STAC: variants seen among roughly 807,000 people sequenced by gnomAD.
The protein encoded by STAC is SH3 and cysteine rich domain.
A neutral mutation model predicts 48.8 loss-of-function variants in STAC; 43 were observed. That is an observed-to-expected ratio of 0.88 (90% CI 0.69 to 1.14). STAC has a LOEUF of 1.14. Among genes scored for constraint, STAC ranks in the 50% most tolerant of loss-of-function variants. The pLI, the probability that STAC is intolerant of heterozygous loss-of-function variation, is 0.00. For missense variants in STAC, 497 were observed against 504.0 expected (o/e 0.99, Z 0.13); for synonymous variants, 193 against 179.5 (o/e 1.07, Z -0.60).
At chr3:36,530,311 A>T (rs993963592) in intron 10 of STAC, among the ~76,000 whole-genome samples, 8 of 152,202 alleles carry the variant, frequency 5.3e-5, no homozygotes, top group African/African-American at 1.9e-4. Flanking sequence ...GGAAGTTCAC[A>T]ATGAAAAAGG....
intron 1 of STAC, among the ~76,000 whole-genome samples, chr3:36,423,348 G>A (rs62245730): frequency 0.079 from 11,917 of 151,620 alleles, 500 homozygotes; most frequent in African/African-American, 0.1. Flanking sequence ...AAGAACTACA[G>A]GTCTCTGCCT....
chr3:36,387,455 T>C (rs1699642202), intron 1 of STAC, among the ~76,000 whole-genome samples: 1 of 152,098 alleles, frequency 6.6e-6, no homozygotes, highest in African/African-American at 2.4e-5. Context: ...CAACTGTAAC[T>C]CTGTACCCAT....
chr3:36,498,361 A>G (rs1698198783), intron 6 of STAC, among the ~76,000 whole-genome samples: 1 of 152,184 alleles, frequency 6.6e-6, no homozygotes, highest in African/African-American at 2.4e-5. Context: ...GTTAGGGTAT[A>G]GTTAGGAAGC....
chr3:36,423,473 CA>C (rs1052424303), intron 1 of STAC, among the ~76,000 whole-genome samples: 5 of 150,830 alleles, frequency 3.3e-5, no homozygotes, highest in Non-Finnish European at 4.4e-5. Context: ...AAAAGATCCC[CA>C]GTATATATTA....
chr3:36,485,017 T>C lies in STAC; in HGVS notation c.530T>C (p.Ile177Thr). Residue 177 changes from isoleucine to threonine, a missense_variant, in exon 4 of 11, where the codon ATT becomes ACT. Ile to Thr is a moderately conservative substitution (Grantham distance 89, BLOSUM62 -1). Coordinates refer to ENST00000273183, the MANE Select transcript of STAC (RefSeq NM_003149.3). ...CGTTACTACAGCTCCCCCTTGCTCA[T>C]TCATGAACAGTTTGGCTGCATTAAA... is the stretch of plus-strand genomic sequence containing the variant. ...FRRYYSSPLLIHEQFGCIKEV... is the reference protein window; with the variant it reads ...FRRYYSSPLLTHEQFGCIKEV... 1.2e-6 allele frequency: 2 copies of C among 1,605,428 alleles called. No individual in the cohort carries two copies. The highest frequency in any genetic ancestry group is 1.7e-6 in the Non-Finnish European group (2 of 1,176,172).
chr3:36,501,397 A>C lies in STAC; in HGVS notation c.767-2996A>C, dbSNP rs55633680. Reference sequence around the variant, plus strand: ...GATCAATAAATCTTGAGTGTTTTTTAAACAAAATTACAATCTCTAATGATT... The same window carrying C: ...GATCAATAAATCTTGAGTGTTTTTTCAACAAAATTACAATCTCTAATGATT... On this transcript the variant is annotated intron_variant, in intron 6 of 10. Coordinates refer to ENST00000273183, the MANE Select transcript of STAC (RefSeq NM_003149.3). 5.6e-3 allele frequency among the ~76,000 whole-genome samples: 851 copies of C among 152,254 alleles called. 8 individuals are homozygous for C. The highest frequency in any genetic ancestry group is 9.6e-3 in the Non-Finnish European group (653 of 68,010).
intron 5 of STAC, among the ~76,000 whole-genome samples, chr3:36,492,485 T>C (rs1449650555): frequency 6.6e-6 from 1 of 152,170 alleles, no homozygotes. Flanking sequence ...TATCATAGGA[T>C]TAATTTGGGG....
chr3:36,468,945 TTTTTC>T (rs1697252627), intron 2 of STAC, among the ~76,000 whole-genome samples: 1 of 152,038 alleles, frequency 6.6e-6, no homozygotes, highest in Non-Finnish European at 1.5e-5. Context: ...ATGTAAAATC[TTTTTC>T]CACCCCTTTA....
intron 1 of STAC, among the ~76,000 whole-genome samples, chr3:36,385,652 A>AT (rs1699600425): frequency 1.3e-5 from 2 of 152,092 alleles, no homozygotes; most frequent in African/African-American, 4.8e-5. Context: ...AATCTCTCTC[A>AT]TACCCCTTTC....
chr3:36,445,845 T>C (rs1406828052), intron 2 of STAC, among the ~76,000 whole-genome samples: 1 of 152,172 alleles, frequency 6.6e-6, no homozygotes, highest in African/African-American at 2.4e-5. Context: ...GAATCAAACC[T>C]CATCTGTGCA....
chr3:36,428,587 G>T (rs1700620904), intron 1 of STAC, among the ~76,000 whole-genome samples: 1 of 152,162 alleles, frequency 6.6e-6, no homozygotes, highest in African/African-American at 2.4e-5. Flanking sequence ...ACAGGGATCG[G>T]GGAAGTCTCG....
chr3:36,527,795 C>G (rs1199964637), intron 8 of STAC, among the ~76,000 whole-genome samples: 1 of 152,088 alleles, frequency 6.6e-6, no homozygotes, highest in Non-Finnish European at 1.5e-5. Context: ...TAGTCTTCAG[C>G]CAAACCCAAG....
intron 10 of STAC, among the ~76,000 whole-genome samples, chr3:36,534,997 C>G (rs1168149843): frequency 6.6e-6 from 1 of 152,056 alleles, no homozygotes; most frequent in South Asian, 2.1e-4. Context: ...CTTATTAAAT[C>G]GACTTTAAAA....
chr3:36,485,707 A>C (rs1255775053), intron 4 of STAC: 1 of 153,114 alleles, frequency 6.5e-6, no homozygotes, highest in African/African-American at 2.4e-5. Context: ...ATAAGTTAGA[A>C]AGCTTTTAAT....
At chr3:36,440,421 G>C (rs1696311486) in intron 1 of STAC, among the ~76,000 whole-genome samples, 2 of 152,194 alleles carry the variant, frequency 1.3e-5, no homozygotes, top group African/African-American at 4.8e-5. Context: ...ATGCCTGCAG[G>C]ACAGCAGGGT....
chr3:36,414,667 T>C (rs976258100), intron 1 of STAC, among the ~76,000 whole-genome samples: 4 of 152,214 alleles, frequency 2.6e-5, no homozygotes, highest in Admixed American at 2.6e-4. Context: ...AGCCCTCTTC[T>C]CTCAACTCGT....
chr3:36,476,724 ACT>A (rs144426554), intron 2 of STAC, among the ~76,000 whole-genome samples: 1 of 152,208 alleles, frequency 6.6e-6, no homozygotes, highest in East Asian at 1.9e-4. Flanking sequence ...AAAAGTACTG[ACT>A]CTGTCATCAT....
intron 2 of STAC, among the ~76,000 whole-genome samples, chr3:36,466,425 T>C (rs991107947): frequency 1.3e-5 from 2 of 152,184 alleles, no homozygotes; most frequent in African/African-American, 4.8e-5. Context: ...TGTTTTTTTC[T>C]AGTTCTGTGA....
intron 1 of STAC, among the ~76,000 whole-genome samples, chr3:36,410,769 G>A (rs1700176943): frequency 6.6e-6 from 1 of 152,104 alleles, no homozygotes; most frequent in Non-Finnish European, 1.5e-5. Flanking sequence ...AACATCTGAG[G>A]GTGTTTGTAA....
Sources: gnomAD v4.1 joint callset for allele counts (sites outside exome capture counted in the v4.1 genomes callset) on GRCh38, gnomAD v4.1.1 for gene constraint, MANE v1.5 for transcripts, NCBI Gene and HGNC (gene_info 2026-07-23, HGNC 2026-07-21) for gene names.